Variants in PTPRK observed in about 807,000 individuals in gnomAD.
PTPRK encodes protein tyrosine phosphatase receptor type K.
A neutral mutation model predicts 178.0 loss-of-function variants in PTPRK; 75 were observed. The observed-to-expected ratio is 0.42, with a 90% CI of 0.35 to 0.51. The LOEUF is 0.51. Among genes scored for constraint, PTPRK ranks in the 20% least tolerant of loss-of-function variants. PTPRK has a pLI of 0.02. For missense variants in PTPRK, 1,441 were observed against 1,797.8 expected, an observed-to-expected ratio of 0.80 and a Z score of 3.59; for synonymous variants, 637 against 620.6, an observed-to-expected ratio of 1.03 and a Z score of -0.39.
intron 1 of PTPRK, chr6:128,491,786 C>A (rs755390619): frequency 3.9e-6 from 2 of 518,232 alleles, no homozygotes; most frequent in Admixed American, 1.9e-5. Context: ...TGATAGATGG[C>A]GAATGGAATG....
intron 7 of PTPRK, among the ~76,000 whole-genome samples, chr6:128,123,500 CCAAAGATAGTA>C (rs1474614082): frequency 6.6e-6 from 1 of 152,044 alleles, no homozygotes; most frequent in African/African-American, 2.4e-5. Flanking sequence ...CAGGAAATTT[CCAAAGATAGTA>C]CAAAGTTCCC....
chr6:128,007,510 C>G (rs188411643), intron 14 of PTPRK, among the ~76,000 whole-genome samples: 1 of 150,836 alleles, frequency 6.6e-6, no homozygotes, highest in African/African-American at 2.4e-5. Flanking sequence ...TGTCATATTA[C>G]ACAATTTTAG....
chr6:128,481,121 C>G (rs953236433), intron 1 of PTPRK, among the ~76,000 whole-genome samples: 2 of 150,118 alleles, frequency 1.3e-5, no homozygotes, highest in African/African-American at 4.9e-5. Context: ...ATTCTAAATT[C>G]AGAGAGAGAG....
intron 2 of PTPRK, among the ~76,000 whole-genome samples, chr6:128,339,998 AC>A (rs920597557): frequency 3.3e-5 from 5 of 152,070 alleles, no homozygotes; most frequent in Non-Finnish European, 7.4e-5. Context: ...TGCTACCATC[AC>A]CCCACCCCCA....
At chr6:128,316,145 C>T (rs745981446) in intron 3 of PTPRK, among the ~76,000 whole-genome samples, 18 of 152,114 alleles carry the variant, frequency 1.2e-4, no homozygotes, top group South Asian at 2.1e-4. Flanking sequence ...GATCAATGTA[C>T]GCTAAATAAT....
chr6:128,356,038 T>C (rs1833916316), intron 2 of PTPRK, among the ~76,000 whole-genome samples: 1 of 152,172 alleles, frequency 6.6e-6, no homozygotes, highest in Non-Finnish European at 1.5e-5. Flanking sequence ...ATACACAATA[T>C]ATTTAACTTA....
chr6:128,358,947 T>G (rs1834329688), intron 2 of PTPRK, among the ~76,000 whole-genome samples: 2 of 152,166 alleles, frequency 1.3e-5, no homozygotes, highest in African/African-American at 4.8e-5. Context: ...GGGAGAATGA[T>G]ATACATGGAG....
intron 21 of PTPRK, 84 bp from the exon 22 acceptor site, chr6:127,985,959 CCAA>C: frequency 7.6e-7 from 1 of 1,311,616 alleles, no homozygotes; most frequent in Non-Finnish European, 1.0e-6. Flanking sequence ...GGGTACAGAC[CCAA>C]CTGACAATGA....
At position 128,003,210 on chromosome 6, in the gene PTPRK, C is replaced by A. The variant is rs376618931; in HGVS notation, c.2494+1874G>T. 118 of 1,604,412 alleles carry A rather than the reference C, an allele frequency of 7.4e-5. 1 individual carries two copies. In the East Asian group the frequency reaches 2.2e-3, roughly 31 times the overall value. The stretch of plus-strand genomic sequence containing the variant: ...TTAGGGCCTCACCTAACACAGCAGT[C>A]GGTACAAGTGGATCATTGGGCACTG... On this transcript the variant is annotated intron_variant, in intron 15 of 29. Transcript: ENST00000368226.
intron 3 of PTPRK, among the ~76,000 whole-genome samples, chr6:128,249,755 G>A (rs2128288494): frequency 6.6e-6 from 1 of 152,166 alleles, no homozygotes; most frequent in South Asian, 2.1e-4. Context: ...AAATTATGCT[G>A]GTACCCAAGT....
chr6:128,354,650 A>C (rs1833724887), intron 2 of PTPRK, among the ~76,000 whole-genome samples: 1 of 152,240 alleles, frequency 6.6e-6, no homozygotes, highest in Non-Finnish European at 1.5e-5. Flanking sequence ...AATGGTTAAC[A>C]TGATTAGAAA....
At position 128,217,964 on chromosome 6, in the gene PTPRK, C is replaced by T. The variant is rs116190691; in HGVS notation, c.868+958G>A. Among the ~76,000 whole-genome samples the T allele has an allele frequency of 3.6e-3, 551 of 152,308 alleles. 4 individuals carry two copies. The highest frequency in any genetic ancestry group is 0.012 in the African/African-American group (508 of 41,562). On this transcript the variant is annotated intron_variant, in intron 6 of 29. Coordinates refer to ENST00000368226, the MANE Select transcript of PTPRK (RefSeq NM_002844.4). ...GATTGATGCTTGATATCCTACTCAA[C>T]GGAGCTGCTTTACCTCTAGATTTTC...
At chr6:128,376,867 C>T (rs146401861) in intron 2 of PTPRK, among the ~76,000 whole-genome samples, 46 of 152,272 alleles carry the variant, frequency 3.0e-4, no homozygotes, top group African/African-American at 9.9e-4. Flanking sequence ...TTTGCTAATA[C>T]GTAACAAGAG....
intron 7 of PTPRK, among the ~76,000 whole-genome samples, chr6:128,134,506 TG>T (rs1329519524): frequency 1.3e-5 from 2 of 152,170 alleles, no homozygotes; most frequent in African/African-American, 4.8e-5. Context: ...ATTTTGCAGA[TG>T]TGATTAACAC....
chr6:128,222,869 A>G (rs1391327836), intron 5 of PTPRK, among the ~76,000 whole-genome samples: 1 of 152,190 alleles, frequency 6.6e-6, no homozygotes, highest in African/African-American at 2.4e-5. Flanking sequence ...ATGGAGATTA[A>G]AAACTTGCAG....
chr6:128,006,119 T>C (rs1778384252), intron 14 of PTPRK: 2 of 1,189,852 alleles, frequency 1.7e-6, no homozygotes, highest in South Asian at 1.5e-5. Context: ...CGTGACTCTG[T>C]CACATTCAAT....
At chr6:128,255,031 C>T (rs989699222) in intron 3 of PTPRK, among the ~76,000 whole-genome samples, 1 of 152,306 alleles carries the variant, frequency 6.6e-6, no homozygotes, top group Non-Finnish European at 1.5e-5. Flanking sequence ...TGCTCTATCG[C>T]CCAGGCTGGA....
chr6:128,048,054 A>G (rs1778363785), intron 13 of PTPRK, among the ~76,000 whole-genome samples: 1 of 152,186 alleles, frequency 6.6e-6, no homozygotes, highest in African/African-American at 2.4e-5. Context: ...TCAGGAAGGA[A>G]AACATTTCTT....
chr6:128,257,062 C>G (rs1315591695), intron 3 of PTPRK, among the ~76,000 whole-genome samples: 1 of 151,794 alleles, frequency 6.6e-6, no homozygotes, highest in African/African-American at 2.4e-5. Flanking sequence ...GAAACCCCGT[C>G]TCTACTAAAA....
Sources: gnomAD v4.1 joint callset for allele counts (sites outside exome capture counted in the v4.1 genomes callset) on GRCh38, gnomAD v4.1.1 for gene constraint, MANE v1.5 for transcripts, NCBI Gene and HGNC (gene_info 2026-07-23, HGNC 2026-07-21) for gene names.